The following WIF1 variants were observed in gnomAD, a reference collection of about 807,000 sequenced individuals.
The protein encoded by WIF1 is Wnt inhibitory factor 1.
Under a neutral mutation model 53.5 loss-of-function variants are expected in WIF1, and 35 were observed. The ratio of observed to expected loss-of-function variants is 0.65; its 90% confidence interval spans 0.50 to 0.87. The LOEUF (loss-of-function observed/expected upper bound fraction) is 0.87, where lower values mean the gene tolerates loss of function less well. Among genes scored for constraint, WIF1 ranks in the 40% least tolerant of loss-of-function variants. The pLI, the probability that WIF1 is intolerant of heterozygous loss-of-function variation, is 0.00. For synonymous variants in WIF1, 171 were observed against 170.4 expected (o/e 1.00, Z -0.03); for missense variants, 467 against 476.8 (o/e 0.98, Z 0.19).
chr12:65,075,576 A>C (rs1199098236), intron 3 of WIF1, among the ~76,000 whole-genome samples: 1 of 152,232 alleles, frequency 6.6e-6, no homozygotes, highest in African/African-American at 2.4e-5. Flanking sequence ...AATCAATTCA[A>C]CTTCTCATGT....
intron 2 of WIF1, among the ~76,000 whole-genome samples, chr12:65,089,673 A>T (rs560515382): frequency 1.3e-5 from 2 of 152,096 alleles, no homozygotes; most frequent in Admixed American, 1.3e-4. Context: ...ATCTTATTTC[A>T]TACTCTATGC....
chr12:65,113,062 C>A (rs183993936), intron 2 of WIF1, among the ~76,000 whole-genome samples: 1 of 152,284 alleles, frequency 6.6e-6, no homozygotes, highest in Admixed American at 6.5e-5. Context: ...GTATGCTATG[C>A]ACCTGGCTCT....
At chr12:65,075,680 A>G (rs1232534255) in intron 3 of WIF1, among the ~76,000 whole-genome samples, 2 of 152,220 alleles carry the variant, frequency 1.3e-5, no homozygotes, top group Admixed American at 6.5e-5. Context: ...ATGCATATGA[A>G]AGTTATAACT....
chr12:65,050,814 A>AT lies in WIF1; in HGVS notation c.*534_*535insA. ...TGTTTAAATGCCACTACCACAGTGT[A>AT]ATTTTTTTTTTTTTAATACTGAATC... On this transcript the variant is annotated 3_prime_UTR_variant, in exon 10 of 10. Transcript: ENST00000286574. 5.0e-6 allele frequency: 1 copy of AT among 198,628 alleles called. No individual in the cohort carries two copies. The allele number at this position is 198,628 out of a possible 1,614,324, so 12.3% of individuals were successfully genotyped here.
chr12:65,058,242 A>T (rs1176901209), intron 7 of WIF1, among the ~76,000 whole-genome samples: 1 of 152,204 alleles, frequency 6.6e-6, no homozygotes, highest in Non-Finnish European at 1.5e-5. Context: ...ATTGGGTCAT[A>T]TCACAGTACT....
At chr12:65,103,018 T>C (rs1408370646) in intron 2 of WIF1, among the ~76,000 whole-genome samples, 3 of 152,240 alleles carry the variant, frequency 2.0e-5, no homozygotes, top group Admixed American at 1.3e-4. Context: ...AATCCACTTA[T>C]ATTTTCCACT....
intron 2 of WIF1, among the ~76,000 whole-genome samples, chr12:65,092,453 T>C (rs1462797911): frequency 6.8e-6 from 1 of 147,406 alleles, no homozygotes; most frequent in African/African-American, 2.5e-5. Context: ...TATATGTATA[T>C]ATATACACAT....
At chr12:65,055,994 T>C (rs1271077600) in intron 8 of WIF1, 37 bp downstream of exon 8, 1 of 1,588,178 alleles carries the variant, frequency 6.3e-7, no homozygotes, top group South Asian at 1.1e-5. Flanking sequence ...TTTAACGACC[T>C]AGTAGCCCAG....
At chr12:65,062,051 G>A (rs1258567411) in intron 7 of WIF1, among the ~76,000 whole-genome samples, 2 of 152,038 alleles carry the variant, frequency 1.3e-5, no homozygotes, top group African/African-American at 4.8e-5. Context: ...TCTCTTAGAT[G>A]GGTTGTTAGG....
At chr12:65,062,630 C>A in intron 6 of WIF1, 54 bp from the exon 7 acceptor site, 2 of 1,499,592 alleles carry the variant, frequency 1.3e-6, no homozygotes, top group Non-Finnish European at 1.8e-6. Context: ...AAATCTAACA[C>A]AAATTTCACT....
At chr12:65,080,212 C>T (rs538497445) in intron 2 of WIF1, among the ~76,000 whole-genome samples, 2 of 152,282 alleles carry the variant, frequency 1.3e-5, no homozygotes, top group East Asian at 1.9e-4. Flanking sequence ...CCCACTGCAT[C>T]CCCTCCTGTG....
chr12:65,107,610 A>T (rs1019078486), intron 2 of WIF1, among the ~76,000 whole-genome samples: 11 of 152,172 alleles, frequency 7.2e-5, no homozygotes, highest in Admixed American at 7.2e-4. Flanking sequence ...ACAGAGCAAG[A>T]CTCCATCTAA....
At chr12:65,090,387 T>C (rs1367779946) in intron 2 of WIF1, among the ~76,000 whole-genome samples, 4 of 152,118 alleles carry the variant, frequency 2.6e-5, no homozygotes, top group Admixed American at 2.6e-4. Context: ...CATAAGGCAT[T>C]GTGTGTGCCT....
intron 2 of WIF1, among the ~76,000 whole-genome samples, chr12:65,088,606 G>T (rs1883077763): frequency 1.3e-5 from 2 of 152,040 alleles, no homozygotes; most frequent in Admixed American, 1.3e-4. Context: ...TGATTTCCAA[G>T]TTGCTAAGTC....
intron 2 of WIF1, among the ~76,000 whole-genome samples, chr12:65,112,780 A>G (rs1385452867): frequency 6.6e-6 from 1 of 152,054 alleles, no homozygotes; most frequent in African/African-American, 2.4e-5. Flanking sequence ...TAAGACCTCC[A>G]AGCATTAGGA....
At chr12:65,071,200 G>GTCCA (rs1188434937) in intron 3 of WIF1, among the ~76,000 whole-genome samples, 4 of 129,780 alleles carry the variant, frequency 3.1e-5, no homozygotes, top group Non-Finnish European at 6.2e-5. Flanking sequence ...AGCCACTGCA[G>GTCCA]TCCAGCCTGG....
At chr12:65,111,508 C>A (rs1057301254) in intron 2 of WIF1, among the ~76,000 whole-genome samples, 2 of 152,132 alleles carry the variant, frequency 1.3e-5, no homozygotes, top group Admixed American at 1.3e-4. Context: ...GGTCTCTATG[C>A]CTTGCCTCAA....
At chr12:65,096,052 A>C (rs968435480) in intron 2 of WIF1, among the ~76,000 whole-genome samples, 11 of 152,334 alleles carry the variant, frequency 7.2e-5, no homozygotes, top group African/African-American at 2.6e-4. Context: ...TCTGCACAGC[A>C]AAAGAATCTA....
At position 65,091,143 on chromosome 12, in the gene WIF1, T is replaced by C. The variant is rs924085374; in HGVS notation, c.289-13289A>G. On this transcript the variant is annotated intron_variant, in intron 2 of 9. Coordinates refer to ENST00000286574, the MANE Select transcript of WIF1 (RefSeq NM_007191.5). ...ATTAATTTGCAGGAAATTTAAAGGATAGCGGAATAAGTTAAACTACACCAC... is the reference window on the plus strand; with the variant it reads ...ATTAATTTGCAGGAAATTTAAAGGACAGCGGAATAAGTTAAACTACACCAC... Among the ~76,000 whole-genome samples, 5 of 152,102 alleles carry C rather than the reference T, an allele frequency of 3.3e-5. No homozygotes were observed. In the East Asian group the frequency reaches 7.7e-4, roughly 23 times the overall value.
Sources: allele counts gnomAD v4.1 joint callset (sites outside exome capture counted in the v4.1 genomes callset), GRCh38; gene constraint gnomAD v4.1.1; transcripts MANE v1.5; gene names NCBI Gene and HGNC (gene_info 2026-07-23, HGNC 2026-07-21).